MAPRE3: variants seen among roughly 807,000 people sequenced by gnomAD.
The protein encoded by MAPRE3 is microtubule-associated protein RP/EB family member 3.
Under a neutral mutation model 30.5 loss-of-function variants are expected in MAPRE3, and 2 were observed. That is an observed-to-expected ratio of 0.07 (90% confidence interval 0.03 to 0.21). The LOEUF is 0.21. MAPRE3 is among the 10% of genes least tolerant of loss of function. The pLI is 1.00. For synonymous variants in MAPRE3, 110 were observed against 127.7 expected (o/e 0.86, Z 0.93); for missense variants, 204 against 351.8 (o/e 0.58, Z 3.36).
chr2:26,980,957 C>A (rs1666102385), intron 1 of MAPRE3, among the ~76,000 whole-genome samples: 1 of 152,098 alleles, frequency 6.6e-6, no homozygotes, highest in African/African-American at 2.4e-5. Flanking sequence ...GGGCATGGCT[C>A]TTTCTACCCC....
intron 4 of MAPRE3, among the ~76,000 whole-genome samples, chr2:27,024,786 C>G (rs756954051): frequency 7.2e-5 from 11 of 152,132 alleles, no homozygotes; most frequent in Non-Finnish European, 1.0e-4. Context: ...TCTCTAGAAA[C>G]GAGGCTTTGT....
At chr2:27,007,836 C>T (rs185774658) in intron 1 of MAPRE3, among the ~76,000 whole-genome samples, 115 of 152,246 alleles carry the variant, frequency 7.6e-4, no homozygotes, top group Non-Finnish European at 1.4e-3. Flanking sequence ...CTTCAGGAAG[C>T]GCTGGAGATA....
At chr2:27,013,349 G>A (rs1666903937) in intron 1 of MAPRE3, 1 of 152,210 alleles carries the variant, frequency 6.6e-6, no homozygotes, top group African/African-American at 2.4e-5. Flanking sequence ...ATTAGAGGGA[G>A]ACTGTTTAAA....
At chr2:26,975,210 A>G (rs908067622) in intron 1 of MAPRE3, among the ~76,000 whole-genome samples, 2 of 152,208 alleles carry the variant, frequency 1.3e-5, no homozygotes, top group Non-Finnish European at 2.9e-5. Flanking sequence ...TTTGAAATAG[A>G]AAAGCTGCTG....
chr2:27,018,456 A>G (rs1292665494), intron 1 of MAPRE3, among the ~76,000 whole-genome samples: 1 of 152,108 alleles, frequency 6.6e-6, no homozygotes. Flanking sequence ...CTACCTCTGC[A>G]TGCCCTCTCC....
chr2:26,979,066 C>G (rs1467674961), intron 1 of MAPRE3, among the ~76,000 whole-genome samples: 1 of 152,028 alleles, frequency 6.6e-6, no homozygotes, highest in African/African-American at 2.4e-5. Context: ...CTTTGGTAAG[C>G]CAGAAGGAAG....
At chr2:27,006,187 TAAAAAC>T (rs1217614368) in intron 1 of MAPRE3, among the ~76,000 whole-genome samples, 3 of 149,700 alleles carry the variant, frequency 2.0e-5, no homozygotes, top group South Asian at 2.1e-4. Context: ...GTCTCAAAAA[TAAAAAC>T]AAAAACAAAA....
chr2:26,996,459 A>G (rs896154688), intron 1 of MAPRE3, among the ~76,000 whole-genome samples: 1 of 152,162 alleles, frequency 6.6e-6, no homozygotes, highest in African/African-American at 2.4e-5. Flanking sequence ...CCCAGCCAAC[A>G]GGAGTTTTCT....
chr2:26,977,019 G>T (rs1328672348), intron 1 of MAPRE3, among the ~76,000 whole-genome samples: 3 of 152,130 alleles, frequency 2.0e-5, no homozygotes, highest in Non-Finnish European at 4.4e-5. Context: ...ATAAAATACT[G>T]CATGGCATTA....
At chr2:27,020,665 G>T (rs1210411968) in intron 1 of MAPRE3, among the ~76,000 whole-genome samples, 8 of 152,334 alleles carry the variant, frequency 5.3e-5, no homozygotes, top group East Asian at 1.9e-4. Context: ...AAAATATTGG[G>T]CACTAATTCA....
intron 1 of MAPRE3, among the ~76,000 whole-genome samples, chr2:26,971,164 T>G (rs1665909576): frequency 6.6e-6 from 1 of 152,154 alleles, no homozygotes; most frequent in African/African-American, 2.4e-5. Flanking sequence ...TCCCTCCTCC[T>G]CACTCCTCCT....
At chr2:27,020,100 G>A (rs1427754610) in intron 1 of MAPRE3, among the ~76,000 whole-genome samples, 1 of 152,198 alleles carries the variant, frequency 6.6e-6, no homozygotes. Context: ...TGAGAACCAT[G>A]GAACAGAGAA....
chr2:26,993,726 G>A (rs1372677892), intron 1 of MAPRE3, among the ~76,000 whole-genome samples: 4 of 152,178 alleles, frequency 2.6e-5, no homozygotes, highest in Non-Finnish European at 5.9e-5. Flanking sequence ...CAGCTGAGGA[G>A]TCATCTGCCC....
chr2:26,975,684 A>G (rs1273876601), intron 1 of MAPRE3, among the ~76,000 whole-genome samples: 1 of 152,252 alleles, frequency 6.6e-6, no homozygotes, highest in Non-Finnish European at 1.5e-5. Context: ...TATAAGAAGC[A>G]TGTATGCTTT....
In MAPRE3 at chr2:26,986,395, C is replaced by A. The variant is rs1666220600; in HGVS notation, c.-8+15593C>A. Reference sequence around the variant, plus strand: ...GACATCTTTGAGAACCTACCATAGTCTGTAAGCCTAAATGGTATGGGTATG... The same window carrying A: ...GACATCTTTGAGAACCTACCATAGTATGTAAGCCTAAATGGTATGGGTATG... On this transcript the variant is annotated intron_variant, in intron 1 of 6. Transcript: ENST00000233121. This position sits in a 1 kb window ranked among gnomAD's most constrained non-coding sequence, Gnocchi z 4.2. The A allele has an allele frequency of 6.6e-6, 1 of 152,230 alleles. No homozygotes were observed. The highest frequency in any genetic ancestry group is 2.4e-5 in the African/African-American group (1 of 41,446). 9.4% of individuals were successfully genotyped at this position (152,230 alleles called of 1,614,324 possible).
intron 1 of MAPRE3, among the ~76,000 whole-genome samples, chr2:26,971,340 C>T (rs1665912309): frequency 6.6e-6 from 1 of 152,242 alleles, no homozygotes; most frequent in African/African-American, 2.4e-5. Context: ...TTTGGGGAAG[C>T]AGGTCTGGAC....
intron 1 of MAPRE3, among the ~76,000 whole-genome samples, chr2:26,989,430 A>T (rs982512130): frequency 6.6e-6 from 1 of 152,188 alleles, no homozygotes; most frequent in Non-Finnish European, 1.5e-5. Flanking sequence ...GCAGAAACTG[A>T]ATGAAAGGCA....
intron 1 of MAPRE3, among the ~76,000 whole-genome samples, chr2:26,982,055 TCCA>T (rs949014591): frequency 4.0e-4 from 61 of 152,322 alleles, no homozygotes; most frequent in African/African-American, 1.4e-3. Context: ...CCTCATCTCC[TCCA>T]CAAGGTGCTT....
chr2:26,974,648 C>G (rs953871668), intron 1 of MAPRE3, among the ~76,000 whole-genome samples: 2 of 152,198 alleles, frequency 1.3e-5, no homozygotes, highest in Non-Finnish European at 2.9e-5. Flanking sequence ...AGCCTGACCT[C>G]TGGAAGCAGG....
Sources: allele counts gnomAD v4.1 joint callset (sites outside exome capture counted in the v4.1 genomes callset), GRCh38; gene constraint gnomAD v4.1.1; non-coding constraint Gnocchi (gnomAD v3.1); transcripts MANE v1.5; gene names NCBI Gene and HGNC (gene_info 2026-07-23, HGNC 2026-07-21).